Variants in KIF17 observed in about 807,000 individuals in gnomAD.
The protein encoded by KIF17 is kinesin family member 17.
A neutral mutation model predicts 96.8 loss-of-function variants in KIF17; 80 were observed. The ratio of observed to expected loss-of-function variants is 0.83; its 90% CI spans 0.69 to 1.00. The LOEUF is 1.00. Ranked by LOEUF, KIF17 falls within the 50% of genes least tolerant of loss-of-function variation. The pLI, the probability that KIF17 is intolerant of heterozygous loss-of-function variation, is 0.00. For synonymous variants in KIF17, 567 were observed against 587.5 expected (o/e 0.97, Z 0.51); for missense variants, 1,280 against 1,372.9 (o/e 0.93, Z 1.07).
intron 10 of KIF17, among the ~76,000 whole-genome samples, chr1:20,683,871 A>AC (rs992521627): frequency 2.6e-5 from 4 of 151,260 alleles, no homozygotes; most frequent in African/African-American, 9.8e-5. Flanking sequence ...CTAGGATGCC[A>AC]CCCCTGCAGC....
chr1:20,675,284 A>G (rs2053718744), intron 11 of KIF17, among the ~76,000 whole-genome samples: 1 of 150,904 alleles, frequency 6.6e-6, no homozygotes, highest in African/African-American at 2.4e-5. Flanking sequence ...CGTCTCTACT[A>G]AAAAATACAA....
intron 14 of KIF17, 71 bp downstream of exon 14, chr1:20,666,143 A>T: frequency 8.6e-7 from 1 of 1,168,668 alleles, no homozygotes; most frequent in Non-Finnish European, 1.3e-6. Context: ...GGCCTGTCTG[A>T]CTTCAAAACT....
chr1:20,689,128 G>A (rs1285921747), intron 7 of KIF17, among the ~76,000 whole-genome samples: 1 of 152,142 alleles, frequency 6.6e-6, no homozygotes, highest in Non-Finnish European at 1.5e-5. Context: ...CTACCTCGCT[G>A]GACTGGGGAG....
At chr1:20,695,854 T>G (rs2054128237) in intron 6 of KIF17, among the ~76,000 whole-genome samples, 1 of 152,154 alleles carries the variant, frequency 6.6e-6, no homozygotes, top group Admixed American at 6.6e-5. Flanking sequence ...AACCCTTCCT[T>G]GGCCCCACAT....
chr1:20,717,763 C>T lies in KIF17; in HGVS notation c.-57G>A. ...CTGACCCCCGCCCCGCCGGGGACTC[C>T]CAGCAGCCCGGGCCAAGGGGCGGGG... On this transcript the variant is annotated 5_prime_UTR_variant, in exon 1 of 15. Transcript: ENST00000400463. 6.7e-7 allele frequency: 1 copy of T among 1,486,204 alleles called. No homozygotes were observed. The highest frequency in any genetic ancestry group is 2.8e-5 in the East Asian group (1 of 35,866). 92.1% of individuals were successfully genotyped at this position (1,486,204 alleles called of 1,614,324 possible). A position where few individuals can be genotyped will look rare whatever the true frequency, so the allele number is the denominator to read the frequency against.
chr1:20,717,485 C>T lies in KIF17; in HGVS notation c.222G>A (p.Pro74=), dbSNP rs1266559764. ...TGCCGGGCGCCCTCACCTCCACCAGCGGATAGGCGATCTCGTTGTAGATCT... is the reference window on the plus strand; with the variant it reads ...TGCCGGGCGCCCTCACCTCCACCAGTGGATAGGCGATCTCGTTGTAGATCT... The part of the protein sequence containing the change: ...TEQIYNEIAY[P]LVEGVTEGYN... The change falls in exon 1 of 15, where the codon CCG becomes CCA. Residue 74 remains proline (P), a synonymous_variant. Coordinates refer to ENST00000400463, the MANE Select transcript of KIF17 (RefSeq NM_001122819.3). 2.5e-6 allele frequency: 4 copies of T among 1,611,300 alleles called. No individual in the cohort carries two copies. Among genetic ancestry groups the T allele is most frequent in the Admixed American group, 1.7e-5 (1 of 60,012 alleles).
At chr1:20,689,112 G>A (rs907263600) in intron 7 of KIF17, among the ~76,000 whole-genome samples, 2 of 152,282 alleles carry the variant, frequency 1.3e-5, no homozygotes, top group East Asian at 3.9e-4. Flanking sequence ...GAGGATTCAG[G>A]GAGTCCTACC....
chr1:20,697,018 T>C (rs2054154023), intron 6 of KIF17, among the ~76,000 whole-genome samples: 1 of 152,112 alleles, frequency 6.6e-6, no homozygotes, highest in Non-Finnish European at 1.5e-5. Flanking sequence ...ATCGAGCCTC[T>C]CCCCAAACAG....
At chr1:20,669,558 T>TA (rs766258861) in intron 13 of KIF17, among the ~76,000 whole-genome samples, 6 of 118,114 alleles carry the variant, frequency 5.1e-5, no homozygotes, top group Non-Finnish European at 1.1e-4. Flanking sequence ...ATAATAATAA[T>TA]AATAATAAAT....
chr1:20,683,058 A>G lies in KIF17; in HGVS notation c.2232-174T>C, dbSNP rs573970490. On this transcript the variant is annotated intron_variant, in intron 10 of 14. Transcript: ENST00000400463. ...ACGCTGCTTGCTCAGGGTCACAACCAGGATTCCTGCCCAACTCCCTGCCTG... is the reference window on the plus strand; with the variant it reads ...ACGCTGCTTGCTCAGGGTCACAACCGGGATTCCTGCCCAACTCCCTGCCTG... Among the ~76,000 whole-genome samples, 5 of 152,324 alleles carry G rather than the reference A, an allele frequency of 3.3e-5. No homozygotes were observed. In the East Asian group the frequency reaches 7.7e-4, roughly 24 times the overall value.
At chr1:20,666,548 C>T (rs2053533124) in intron 13 of KIF17, among the ~76,000 whole-genome samples, 1 of 152,188 alleles carries the variant, frequency 6.6e-6, no homozygotes, top group Non-Finnish European at 1.5e-5. Context: ...GGAAGTCAGT[C>T]TCCAGCCAAG....
chr1:20,707,854 ATATATATAATATATACATT>A (rs1317594888), intron 4 of KIF17, among the ~76,000 whole-genome samples: 2 of 144,440 alleles, frequency 1.4e-5, no homozygotes, highest in African/African-American at 2.6e-5. Context: ...ATATATATGT[ATATATATAATATATACATT>A]TATATATAAA....
At chr1:20,671,360 G>A (rs960150756) in intron 12 of KIF17, among the ~76,000 whole-genome samples, 2 of 152,032 alleles carry the variant, frequency 1.3e-5, no homozygotes, top group South Asian at 2.1e-4. Context: ...AGACAGGGTC[G>A]CACTTTGTTA....
At chr1:20,684,466 A>G (rs1230359824) in intron 10 of KIF17, among the ~76,000 whole-genome samples, 1 of 152,198 alleles carries the variant, frequency 6.6e-6, no homozygotes, top group Non-Finnish European at 1.5e-5. Flanking sequence ...GTGCCTGGGG[A>G]TGGCTTGTCC....
rs533400943 is a variant in KIF17 at position 20,664,278 on chromosome 1, A to G, written c.*306T>C. 5.5e-6 allele frequency: 7 copies of G among 1,269,564 alleles called. No homozygotes were observed. Among genetic ancestry groups the G allele is most frequent in the African/African-American group, 1.5e-5 (1 of 66,384 alleles). The allele number at this position is 1,269,564 out of a possible 1,614,324, so 78.6% of individuals were successfully genotyped here. A position where few individuals can be genotyped will look rare whatever the true frequency, so the allele number is the denominator to read the frequency against. ...GAAGCAGGTCTCAGGCTTTGAGGCA[A>G]AGACCAACACTGGTGGGCATGGGTG... On this transcript the variant is annotated 3_prime_UTR_variant, in exon 15 of 15. Coordinates refer to ENST00000400463, the MANE Select transcript of KIF17 (RefSeq NM_001122819.3).
At chr1:20,671,099 C>T (rs2053640204) in intron 12 of KIF17, among the ~76,000 whole-genome samples, 1 of 152,210 alleles carries the variant, frequency 6.6e-6, no homozygotes, top group South Asian at 2.1e-4. Context: ...AAACTCTGAA[C>T]TGTGGGTTTT....
chr1:20,665,891 G>C (rs573259251), intron 14 of KIF17, among the ~76,000 whole-genome samples: 4 of 151,938 alleles, frequency 2.6e-5, no homozygotes, highest in Admixed American at 6.5e-5. Context: ...AAGCTGGCGC[G>C]TAACTAGTGA....
chr1:20,666,275 G>A lies in KIF17; in HGVS notation c.2847C>T (p.Ser949=), dbSNP rs759563177. 5.0e-6 allele frequency: 8 copies of A among 1,614,224 alleles called. No individual in the cohort carries two copies. The highest frequency in any genetic ancestry group is 5.9e-6 in the Non-Finnish European group (7 of 1,180,034). ...TGGCCCGCTTAGATCGGAAGTAGTT[G>A]CTGGCAATGTTTTCACTGTTGCTCC... is the stretch of plus-strand genomic sequence containing the variant. The part of the protein sequence containing the change: ...LSRSNSENIA[S]NYFRSKRASQ... The change falls in exon 14 of 15, where the codon AGC becomes AGT. Residue 949 remains serine, a synonymous_variant. Coordinates refer to ENST00000400463, the MANE Select transcript of KIF17 (RefSeq NM_001122819.3).
intron 3 of KIF17, among the ~76,000 whole-genome samples, chr1:20,711,984 G>A (rs1044797974): frequency 3.9e-5 from 6 of 152,260 alleles, no homozygotes; most frequent in East Asian, 3.9e-4. Context: ...ACGAGGGAGC[G>A]TGTCTAAAGC....
Sources: gnomAD v4.1 joint callset for allele counts (sites outside exome capture counted in the v4.1 genomes callset) on GRCh38, gnomAD v4.1.1 for gene constraint, MANE v1.5 for transcripts, NCBI Gene and HGNC (gene_info 2026-07-23, HGNC 2026-07-21) for gene names.